The following PPFIA1 variants were observed in gnomAD, a reference collection of about 807,000 sequenced individuals.
PPFIA1 encodes PPFI scaffold protein A1, also known as liprin-alpha-1.
PPFIA1 carries 25 observed loss-of-function variants against 149.9 expected under a neutral mutation model. The observed-to-expected ratio is 0.17, with a 90% confidence interval of 0.12 to 0.23. PPFIA1 has a LOEUF of 0.23. PPFIA1 is among the 10% of genes least tolerant of loss of function. PPFIA1 has a pLI of 1.00. For missense variants in PPFIA1, 1,362 were observed against 1,506.5 expected, an observed-to-expected ratio of 0.90 and a Z score of 1.59; for synonymous variants, 549 against 552.8, an observed-to-expected ratio of 0.99 and a Z score of 0.10.
At chr11:70,351,367 A>G (rs1476953499) in intron 16 of PPFIA1, among the ~76,000 whole-genome samples, 1 of 152,242 alleles carries the variant, frequency 6.6e-6, no homozygotes, top group Non-Finnish European at 1.5e-5. Flanking sequence ...ACCCATTTTC[A>G]TAATAATCAC....
intron 2 of PPFIA1, among the ~76,000 whole-genome samples, chr11:70,301,245 G>T (rs573328024): frequency 1.1e-4 from 17 of 152,300 alleles, no homozygotes; most frequent in African/African-American, 4.1e-4. Context: ...ATGCTAGCCT[G>T]CACAAAGTAG....
chr11:70,324,636 C>T (rs1565395392), intron 3 of PPFIA1, 133 bp downstream of exon 3: 4 of 894,170 alleles, frequency 4.5e-6, no homozygotes, highest in Admixed American at 4.7e-5. Context: ...ACTGAGCAGA[C>T]TGTGATTAGT....
At chr11:70,337,639 G>A (rs1166769140) in intron 12 of PPFIA1, among the ~76,000 whole-genome samples, 6 of 152,094 alleles carry the variant, frequency 3.9e-5, no homozygotes, top group Non-Finnish European at 4.4e-5. Flanking sequence ...TTCAGAATTC[G>A]GAGTCCTTTC....
rs767091610 is a variant in PPFIA1, at chr11:70,326,660, A to C, written c.772A>C (p.Ile258Leu). 63 of 1,614,108 alleles carry C rather than the reference A, an allele frequency of 3.9e-5. No homozygotes were observed. Among genetic ancestry groups the C allele is most frequent in the Non-Finnish European group, 5.2e-5 (61 of 1,180,052 alleles). The change falls in exon 7 of 28, where the codon ATC becomes CTC. Residue 258 changes from isoleucine (I) to leucine (L), a missense_variant. Around this residue, in one of 7 missense-constraint regions of PPFIA1, gnomAD observed 733 missense variants for 744.1 expected, o/e 0.99. Transcript: ENST00000253925. The stretch of plus-strand genomic sequence containing the variant: ...TGCTAAAGTAATTGAGCTCCAAGAA[A>C]TCATAAGTAAGCAGTCAAGGGAACA... ...DLAKVIELQE[I>L]ISKQSREQSQ...
chr11:70,295,568 C>A (rs2136265219), intron 2 of PPFIA1, among the ~76,000 whole-genome samples: 1 of 144,322 alleles, frequency 6.9e-6, no homozygotes. Context: ...GCTGACCCCC[C>A]CACCTCCCTC....
Position 70,375,180 on chromosome 11 carries a change from T to TC in PPFIA1, c.3315+87_3315+88insC. 6 of 270,504 alleles carry TC rather than the reference T, an allele frequency of 2.2e-5. No individual in the cohort carries two copies. In the African/African-American group the frequency reaches 2.7e-4, roughly 12 times the overall value. The allele number at this position is 270,504 out of a possible 1,614,324, so 16.8% of individuals were successfully genotyped here. ...CTAGTTATTCGAATAGAAAGAAACT[T>TC]TAAAAAAAAAAAAAAAAAAAAACTT... On this transcript the variant is annotated intron_variant, in intron 24 of 27. Coordinates refer to ENST00000253925, the MANE Select transcript of PPFIA1 (RefSeq NM_003626.5).
chr11:70,331,230 G>A (rs371415529), intron 8 of PPFIA1, among the ~76,000 whole-genome samples: 67 of 148,058 alleles, frequency 4.5e-4, no homozygotes, highest in East Asian at 1.0e-3. Context: ...GCTAGACTCC[G>A]TCTCAAAAAA....
chr11:70,339,338 C>T (rs763204340), intron 14 of PPFIA1, 32 bp downstream of exon 14: 12 of 1,595,158 alleles, frequency 7.5e-6, no homozygotes, highest in Admixed American at 5.2e-5. Context: ...CCTCTGCTTA[C>T]GTGAAAGTTA....
intron 2 of PPFIA1, among the ~76,000 whole-genome samples, chr11:70,323,108 A>C (rs1364390588): frequency 2.6e-5 from 4 of 152,192 alleles, no homozygotes; most frequent in Non-Finnish European, 4.4e-5. Flanking sequence ...CTCCCTGCTG[A>C]CTAGCCAGCC....
At position 70,378,363 on chromosome 11, in the gene PPFIA1, T is replaced by G; in HGVS notation, c.3550+168T>G. 3 of 1,309,282 alleles carry G rather than the reference T, an allele frequency of 2.3e-6. No individual in the cohort carries two copies. In the South Asian group the frequency reaches 7.7e-5, roughly 34 times the overall value. The allele number at this position is 1,309,282 out of a possible 1,614,324, so 81.1% of individuals were successfully genotyped here. ...TTAAATTAACTCTAACATTTGTTTA[T>G]AAAAGTTTAACCATAATAATAGAAT... On this transcript the variant is annotated intron_variant, in intron 26 of 27. Transcript: ENST00000253925.
At chr11:70,354,888 C>G (rs2056271267) in intron 17 of PPFIA1, among the ~76,000 whole-genome samples, 1 of 152,060 alleles carries the variant, frequency 6.6e-6, no homozygotes, top group Non-Finnish European at 1.5e-5. Context: ...TGAGTGTCCC[C>G]TCTCAGGAAA....
intron 2 of PPFIA1, among the ~76,000 whole-genome samples, chr11:70,313,340 G>T (rs1013417358): frequency 2.0e-5 from 3 of 152,172 alleles, no homozygotes; most frequent in Non-Finnish European, 4.4e-5. Context: ...AAGTTATTAG[G>T]GGGGCTTTGG....
intron 14 of PPFIA1, among the ~76,000 whole-genome samples, chr11:70,339,542 A>G (rs562281483): frequency 2.3e-3 from 338 of 149,608 alleles, no homozygotes; most frequent in Non-Finnish European, 4.3e-3. Flanking sequence ...CTGGTCTTGA[A>G]CTCCTGGCCT....
At chr11:70,373,040 G>A (rs1332856007) in intron 23 of PPFIA1, among the ~76,000 whole-genome samples, 1 of 152,170 alleles carries the variant, frequency 6.6e-6, no homozygotes, top group Non-Finnish European at 1.5e-5. Context: ...CTGCATTTCA[G>A]CTGGTCCTTG....
At chr11:70,354,670 T>G (rs893092851) in intron 17 of PPFIA1, among the ~76,000 whole-genome samples, 1 of 152,100 alleles carries the variant, frequency 6.6e-6, no homozygotes, top group African/African-American at 2.4e-5. Context: ...CAAGCTTAGT[T>G]TGGAAAGAAA....
chr11:70,282,860 A>T (rs1356219283), intron 2 of PPFIA1, among the ~76,000 whole-genome samples: 5 of 85,448 alleles, frequency 5.9e-5, no homozygotes, highest in Non-Finnish European at 9.3e-5. Flanking sequence ...TTTTTTTAAG[A>T]AGGAATTTTG....
At chr11:70,290,755 A>AT (rs2051469660) in intron 2 of PPFIA1, among the ~76,000 whole-genome samples, 1 of 152,188 alleles carries the variant, frequency 6.6e-6, no homozygotes, top group Admixed American at 6.5e-5. Context: ...CCTCCTGCCT[A>AT]TGTAGTTTTA....
intron 2 of PPFIA1, among the ~76,000 whole-genome samples, chr11:70,309,263 G>T (rs1483982328): frequency 6.6e-6 from 1 of 151,882 alleles, no homozygotes; most frequent in Non-Finnish European, 1.5e-5. Context: ...TCCGCCTCTC[G>T]GGTTCAAGCG....
intron 12 of PPFIA1, among the ~76,000 whole-genome samples, chr11:70,338,006 G>T (rs1341309679): frequency 6.6e-6 from 1 of 152,194 alleles, no homozygotes; most frequent in Non-Finnish European, 1.5e-5. Context: ...CATACTTGAT[G>T]TAAGACAATT....
Sources: gnomAD v4.1 joint callset for allele counts (sites outside exome capture counted in the v4.1 genomes callset) on GRCh38, gnomAD v4.1.1 for gene constraint, gnomAD v4.1.1 regional missense constraint, MANE v1.5 for transcripts, NCBI Gene and HGNC (gene_info 2026-07-23, HGNC 2026-07-21) for gene names.